The following LRMDA variants were observed in gnomAD, a reference collection of about 807,000 sequenced individuals.
LRMDA encodes the protein leucine rich melanocyte differentiation associated, also known as leucine-rich melanocyte differentiation-associated protein.
In LRMDA, 18 loss-of-function variants were observed where a neutral mutation model predicts 29.8. The observed-to-expected ratio is 0.60, with a 90% CI of 0.42 to 0.90. LRMDA has a LOEUF of 0.90. LRMDA is among the 40% of genes least tolerant of loss of function. The probability of loss-of-function intolerance (pLI) is 0.00; values close to 1 mark genes in which losing one functional copy is unlikely to be tolerated. For missense variants in LRMDA, 273 were observed against 273.9 expected, an observed-to-expected ratio of 1.00 and a Z score of 0.02; for synonymous variants, 125 against 109.4, an observed-to-expected ratio of 1.14 and a Z score of -0.89.
At chr10:76,126,390 T>C (rs979763753) in intron 5 of LRMDA, among the ~76,000 whole-genome samples, 1 of 152,338 alleles carries the variant, frequency 6.6e-6, no homozygotes, top group East Asian at 1.9e-4. Flanking sequence ...TGTTTGTTTT[T>C]TCATGAAAAC....
chr10:76,166,219 C>T (rs1850737473), intron 5 of LRMDA, among the ~76,000 whole-genome samples: 1 of 152,206 alleles, frequency 6.6e-6, no homozygotes, highest in African/African-American at 2.4e-5. Flanking sequence ...GTTGAGTTCT[C>T]AGTCAAAACC....
intron 2 of LRMDA, among the ~76,000 whole-genome samples, chr10:75,953,467 T>C (rs4145021): frequency 0.67 from 101,938 of 152,036 alleles, 34,237 homozygotes; most frequent in South Asian, 0.74. Flanking sequence ...TGTTCAGATA[T>C]GTGGGGCCCT....
At chr10:75,809,111 C>T (rs1160857825) in intron 2 of LRMDA, among the ~76,000 whole-genome samples, 1 of 152,158 alleles carries the variant, frequency 6.6e-6, no homozygotes, top group Non-Finnish European at 1.5e-5. Flanking sequence ...GCTCCCCCAC[C>T]ACCTTCCCTG....
At chr10:76,548,986 C>G (rs779626912) in intron 6 of LRMDA, among the ~76,000 whole-genome samples, 2 of 152,170 alleles carry the variant, frequency 1.3e-5, no homozygotes, top group African/African-American at 4.8e-5. Flanking sequence ...AGGATCTGCT[C>G]AAAGATGCAG....
intron 5 of LRMDA, among the ~76,000 whole-genome samples, chr10:76,189,623 G>T (rs1401732904): frequency 6.6e-6 from 1 of 152,208 alleles, no homozygotes; most frequent in African/African-American, 2.4e-5. Context: ...CTACTGGTTT[G>T]CAGAGTGACA....
At chr10:76,026,362 CAT>C (rs889575446) in intron 2 of LRMDA, among the ~76,000 whole-genome samples, 11 of 152,250 alleles carry the variant, frequency 7.2e-5, no homozygotes, top group South Asian at 2.1e-4. Flanking sequence ...CCTGGTGACT[CAT>C]GTGTGTTTTC....
At chr10:75,613,525 G>A (rs537115160) in intron 2 of LRMDA, among the ~76,000 whole-genome samples, 6 of 152,108 alleles carry the variant, frequency 3.9e-5, no homozygotes, top group Non-Finnish European at 7.4e-5. Flanking sequence ...TACCCCTGGG[G>A]CAGCTGTCTC....
chr10:75,587,924 A>T (rs947649915), intron 2 of LRMDA, among the ~76,000 whole-genome samples: 2 of 152,360 alleles, frequency 1.3e-5, no homozygotes, highest in Admixed American at 6.5e-5. Flanking sequence ...AATCTTAAAG[A>T]GGCAGTGCGT....
intron 2 of LRMDA, among the ~76,000 whole-genome samples, chr10:75,676,809 A>C (rs1164635120): frequency 2.0e-5 from 3 of 152,144 alleles, no homozygotes; most frequent in Admixed American, 1.3e-4. Context: ...TACCTGACCA[A>C]TGTATCTCCA....
At chr10:75,769,646 G>A (rs1175589804) in intron 2 of LRMDA, among the ~76,000 whole-genome samples, 1 of 151,912 alleles carries the variant, frequency 6.6e-6, no homozygotes, top group Non-Finnish European at 1.5e-5. Context: ...TTTAAAATTT[G>A]TATCAAGTAT....
intron 6 of LRMDA, among the ~76,000 whole-genome samples, chr10:76,348,299 T>C (rs1468627342): frequency 6.6e-6 from 1 of 152,280 alleles, no homozygotes; most frequent in South Asian, 2.1e-4. Flanking sequence ...TAGCTATCCA[T>C]CACGGGCAAT....
At chr10:76,074,540 G>A (rs973132974) in intron 5 of LRMDA, among the ~76,000 whole-genome samples, 11 of 152,162 alleles carry the variant, frequency 7.2e-5, no homozygotes, top group Admixed American at 7.2e-4. Flanking sequence ...ATCATCTACA[G>A]CTTCCACCCC....
intron 2 of LRMDA, among the ~76,000 whole-genome samples, chr10:75,884,951 C>T (rs1845359068): frequency 6.6e-6 from 1 of 151,128 alleles, no homozygotes. Context: ...AACTCCAGTC[C>T]AGGAGGCCCG....
At chr10:75,589,282 T>C (rs1379254749) in intron 2 of LRMDA, among the ~76,000 whole-genome samples, 1 of 152,220 alleles carries the variant, frequency 6.6e-6, no homozygotes, top group Admixed American at 6.5e-5. Flanking sequence ...ATTAAACTTT[T>C]GGATTTGGGC....
intron 2 of LRMDA, among the ~76,000 whole-genome samples, chr10:75,717,870 A>G (rs534117163): frequency 2.6e-5 from 4 of 152,202 alleles, no homozygotes; most frequent in Non-Finnish European, 5.9e-5. Context: ...GTAGTTCATT[A>G]GTTCAGCCAT....
Position 75,847,001 on chromosome 10 carries a change from G to A in LRMDA, c.132-189007G>A, listed in dbSNP as rs9416094. Among the ~76,000 whole-genome samples the A allele has an allele frequency of 4.0e-3, 607 of 152,220 alleles. 9 individuals carry two copies. The highest frequency in any genetic ancestry group is 0.026 in the Admixed American group (395 of 15,302). ...TGGCAATTTTGCAGAAATAGAAAAA[G>A]CTATTCTAAAGTTCATGTGGAATCT... is the stretch of plus-strand genomic sequence containing the variant. On this transcript the variant is annotated intron_variant, in intron 2 of 6. Coordinates refer to ENST00000611255, the MANE Select transcript of LRMDA (RefSeq NM_001305581.2).
At chr10:76,401,710 G>A (rs535077914) in intron 6 of LRMDA, among the ~76,000 whole-genome samples, 26 of 152,252 alleles carry the variant, frequency 1.7e-4, no homozygotes, top group Admixed American at 6.5e-4. Context: ...ATCTGTACTT[G>A]CTGCATAGTC....
intron 6 of LRMDA, among the ~76,000 whole-genome samples, chr10:76,390,203 T>A (rs1298417815): frequency 3.3e-5 from 5 of 152,204 alleles, no homozygotes; most frequent in African/African-American, 1.2e-4. Flanking sequence ...GCTATCCTAA[T>A]GGATATAAGG....
intron 2 of LRMDA, among the ~76,000 whole-genome samples, chr10:75,463,959 G>A (rs1387876039): frequency 6.6e-5 from 10 of 152,142 alleles, no homozygotes; most frequent in East Asian, 1.9e-4. Flanking sequence ...GAACCACTGC[G>A]CCCGGCTAAT....
Sources: gnomAD v4.1 joint callset for allele counts (sites outside exome capture counted in the v4.1 genomes callset) on GRCh38, gnomAD v4.1.1 for gene constraint, MANE v1.5 for transcripts, NCBI Gene and HGNC (gene_info 2026-07-23, HGNC 2026-07-21) for gene names.